The following FBXL17 variants were observed in gnomAD, a reference collection of about 807,000 sequenced individuals.
FBXL17 encodes F-box/LRR-repeat protein 17.
FBXL17 carries 22 observed loss-of-function variants against 66.2 expected under a neutral mutation model. The ratio of observed to expected loss-of-function variants is 0.33; its 90% CI spans 0.24 to 0.47. The LOEUF is 0.47. FBXL17 is among the 20% of genes least tolerant of loss of function. The pLI is 1.00. For missense variants in FBXL17, 878 were observed against 948.2 expected (o/e 0.93, Z 0.97); for synonymous variants, 474 against 400.5 (o/e 1.18, Z -2.19).
At chr5:108,256,127 T>A (rs1036449771) in intron 4 of FBXL17, among the ~76,000 whole-genome samples, 3 of 152,174 alleles carry the variant, frequency 2.0e-5, no homozygotes, top group African/African-American at 7.2e-5. Context: ...ATCTTCCATT[T>A]CGGTTATTTG....
chr5:108,234,222 G>A (rs755389110), intron 4 of FBXL17, among the ~76,000 whole-genome samples: 24 of 152,192 alleles, frequency 1.6e-4, no homozygotes, highest in South Asian at 6.2e-4. Context: ...GTCTCTAGAC[G>A]GCTCACACTC....
chr5:108,252,684 A>C (rs1408833871), intron 4 of FBXL17, among the ~76,000 whole-genome samples: 1 of 152,116 alleles, frequency 6.6e-6, no homozygotes, highest in Non-Finnish European at 1.5e-5. Context: ...ATACATGAAC[A>C]CATATAAGAC....
intron 6 of FBXL17, among the ~76,000 whole-genome samples, chr5:108,042,902 T>A (rs1003371132): frequency 1.3e-5 from 2 of 152,192 alleles, no homozygotes; most frequent in African/African-American, 2.4e-5. Context: ...GCATTTGGTT[T>A]TGTGACAATC....
chr5:108,316,496 C>T (rs1759369900), intron 4 of FBXL17, among the ~76,000 whole-genome samples: 1 of 151,338 alleles, frequency 6.6e-6, no homozygotes, highest in Admixed American at 6.6e-5. Context: ...CTTAACACGG[C>T]AGGCACTCAA....
intron 5 of FBXL17, among the ~76,000 whole-genome samples, chr5:108,199,492 C>G (rs182156057): frequency 5.3e-5 from 8 of 152,124 alleles, no homozygotes; most frequent in Non-Finnish European, 1.2e-4. Context: ...GCTAGCACTC[C>G]AACCTATTCT....
intron 6 of FBXL17, among the ~76,000 whole-genome samples, chr5:108,042,627 T>C (rs1326667743): frequency 6.6e-6 from 1 of 152,226 alleles, no homozygotes; most frequent in African/African-American, 2.4e-5. Context: ...TATTCCATGA[T>C]ATGCACATAC....
At chr5:108,090,193 C>T (rs1749137030) in intron 6 of FBXL17, among the ~76,000 whole-genome samples, 2 of 152,174 alleles carry the variant, frequency 1.3e-5, no homozygotes, top group South Asian at 2.1e-4. Flanking sequence ...TGTATCATCA[C>T]TAAATAATCT....
chr5:107,887,546 G>T (rs1749014956), intron 7 of FBXL17, among the ~76,000 whole-genome samples: 1 of 152,158 alleles, frequency 6.6e-6, no homozygotes, highest in South Asian at 2.1e-4. Context: ...GTAATACTTC[G>T]ATAAAAGCCA....
At chr5:107,993,854 C>T (rs1470829076) in intron 7 of FBXL17, among the ~76,000 whole-genome samples, 1 of 152,052 alleles carries the variant, frequency 6.6e-6, no homozygotes, top group Non-Finnish European at 1.5e-5. Flanking sequence ...CTGATAATGC[C>T]ACAGCTAACC....
At chr5:108,068,189 T>C (rs990348835) in intron 6 of FBXL17, among the ~76,000 whole-genome samples, 2 of 152,220 alleles carry the variant, frequency 1.3e-5, no homozygotes, top group African/African-American at 4.8e-5. Flanking sequence ...ATTGCGTATA[T>C]GAAATTATCA....
At chr5:108,281,201 C>T (rs374539698) in intron 4 of FBXL17, among the ~76,000 whole-genome samples, 4 of 151,944 alleles carry the variant, frequency 2.6e-5, no homozygotes, top group Non-Finnish European at 5.9e-5. Flanking sequence ...TTCTGCCCAA[C>T]TGCAGAATAT....
chr5:108,283,513 C>T (rs1757781147), intron 4 of FBXL17, among the ~76,000 whole-genome samples: 1 of 151,762 alleles, frequency 6.6e-6, no homozygotes, highest in Admixed American at 6.6e-5. Context: ...CAATCTCTCA[C>T]CATATACAAA....
At chr5:108,082,271 G>A (rs1421665389) in intron 6 of FBXL17, among the ~76,000 whole-genome samples, 4 of 151,840 alleles carry the variant, frequency 2.6e-5, no homozygotes, top group African/African-American at 9.7e-5. Context: ...GTTGAACCAA[G>A]GACAGGCTCA....
At chr5:108,173,966 C>G (rs983239397) in intron 6 of FBXL17, among the ~76,000 whole-genome samples, 4 of 152,142 alleles carry the variant, frequency 2.6e-5, no homozygotes, top group African/African-American at 9.7e-5. Flanking sequence ...TGAATTGTGT[C>G]AAATCTGGTT....
At chr5:108,028,909 G>A (rs551320045) in intron 6 of FBXL17, among the ~76,000 whole-genome samples, 33 of 151,746 alleles carry the variant, frequency 2.2e-4, no homozygotes, top group African/African-American at 7.5e-4. Context: ...TTAGTAATAC[G>A]AAAAAAAAGT....
chr5:108,267,816 AAAG>A lies in FBXL17; in HGVS notation c.1507-43591_1507-43589del, dbSNP rs547889131. 2.8e-3 allele frequency among the ~76,000 whole-genome samples: 420 copies of A among 152,172 alleles called. 2 individuals carry two copies. Among genetic ancestry groups the A allele is most frequent in the African/African-American group, 9.7e-3 (403 of 41,570 alleles). On this transcript the variant is annotated intron_variant, in intron 4 of 8. Coordinates refer to ENST00000542267, the MANE Select transcript of FBXL17 (RefSeq NM_001163315.3). ...CTGCTGTATTTGGTAGGGACAGATTAAAGAAGGCCTCCTTGGGGAAGTGACATT... is the reference window on the plus strand; with the variant it reads ...CTGCTGTATTTGGTAGGGACAGATTAAAGGCCTCCTTGGGGAAGTGACATT...
At chr5:107,936,830 A>G (rs1750922074) in intron 7 of FBXL17, among the ~76,000 whole-genome samples, 1 of 152,130 alleles carries the variant, frequency 6.6e-6, no homozygotes, top group Non-Finnish European at 1.5e-5. Flanking sequence ...AATATTTACA[A>G]TGGTAAACTC....
Position 108,278,150 on chromosome 5 carries a change from C to T in FBXL17, c.1507-53922G>A, listed in dbSNP as rs369550523. Among the ~76,000 whole-genome samples, 9 of 152,306 alleles carry T rather than the reference C, an allele frequency of 5.9e-5. 1 individual carries two copies. Among genetic ancestry groups the T allele is most frequent in the African/African-American group, 2.2e-4 (9 of 41,562 alleles). ...TAAGTGAGGGTCCTATTGAGGTCCACTTTCCCACAAGGGAATTATACAATC... is the reference window on the plus strand; with the variant it reads ...TAAGTGAGGGTCCTATTGAGGTCCATTTTCCCACAAGGGAATTATACAATC... On this transcript the variant is annotated intron_variant, in intron 4 of 8. Transcript: ENST00000542267.
At chr5:108,108,466 TA>T (rs1419831885) in intron 6 of FBXL17, among the ~76,000 whole-genome samples, 1 of 152,326 alleles carries the variant, frequency 6.6e-6, no homozygotes, top group African/African-American at 2.4e-5. Context: ...TTGGGGCACT[TA>T]GGGGTGCATA....
Sources: allele counts gnomAD v4.1 joint callset (sites outside exome capture counted in the v4.1 genomes callset), GRCh38; gene constraint gnomAD v4.1.1; transcripts MANE v1.5; gene names NCBI Gene and HGNC (gene_info 2026-07-23, HGNC 2026-07-21).